The following BABAM2 variants were observed in gnomAD, a reference collection of about 807,000 sequenced individuals.
BABAM2 encodes the protein BRISC and BRCA1 A complex member 2.
BABAM2 carries 31 observed loss-of-function variants against 54.7 expected under a neutral mutation model. That is an observed-to-expected ratio of 0.57 (90% CI 0.43 to 0.77). The LOEUF is 0.77. Among genes scored for constraint, BABAM2 ranks in the 30% least tolerant of loss-of-function variants. BABAM2 has a pLI of 0.00. For synonymous variants in BABAM2, 167 were observed against 162.9 expected, an observed-to-expected ratio of 1.03 and a Z score of -0.19; for missense variants, 364 against 455.8, an observed-to-expected ratio of 0.80 and a Z score of 1.83.
At chr2:28,280,042 C>A (rs1001182172) in intron 10 of BABAM2, among the ~76,000 whole-genome samples, 14 of 151,966 alleles carry the variant, frequency 9.2e-5, no homozygotes, top group Non-Finnish European at 1.9e-4. Flanking sequence ...TGGTCCTAGT[C>A]TCATATCAAA....
At position 28,310,415 on chromosome 2, in the gene BABAM2, C is replaced by A. The variant is rs144907773; in HGVS notation, c.1088+11924C>A. On this transcript the variant is annotated intron_variant, in intron 11 of 11. Transcript: ENST00000379624. ...CCCTCAGGCCATCTCTCCCCAGGCC[C>A]TCCATCTGTATTCCTTTGGTTCCAC... is the stretch of plus-strand genomic sequence containing the variant. 1,037 of 392,446 alleles carry A rather than the reference C, an allele frequency of 2.6e-3. 9 individuals are homozygous for A. Among genetic ancestry groups the A allele is most frequent in the African/African-American group, 0.019 (954 of 50,106 alleles). 24.3% of individuals were successfully genotyped at this position (392,446 alleles called of 1,614,324 possible). A position where few individuals can be genotyped will look rare whatever the true frequency, so the allele number is the denominator to read the frequency against.
At chr2:28,187,772 G>A (rs1191745316) in intron 7 of BABAM2, among the ~76,000 whole-genome samples, 2 of 145,428 alleles carry the variant, frequency 1.4e-5, no homozygotes, top group Non-Finnish European at 1.5e-5. Context: ...GGGTTCAAGC[G>A]ATTATCCTGC....
At chr2:28,146,893 G>A (rs533015272) in intron 7 of BABAM2, among the ~76,000 whole-genome samples, 2 of 152,302 alleles carry the variant, frequency 1.3e-5, no homozygotes, top group African/African-American at 2.4e-5. Context: ...CAGGACCCCC[G>A]AAGGGAGTAC....
intron 6 of BABAM2, among the ~76,000 whole-genome samples, chr2:28,084,876 T>C (rs1168195280): frequency 6.6e-6 from 1 of 152,160 alleles, no homozygotes; most frequent in African/African-American, 2.4e-5. Flanking sequence ...TTGCCAGACC[T>C]GTGTGATTTA....
chr2:28,096,527 A>G (rs764143568), intron 6 of BABAM2, among the ~76,000 whole-genome samples: 13 of 152,084 alleles, frequency 8.5e-5, no homozygotes, highest in Non-Finnish European at 1.6e-4. Context: ...AATAATTACC[A>G]AATCCTTTCA....
chr2:27,912,496 GA>G (rs1666674570), intron 2 of BABAM2, among the ~76,000 whole-genome samples: 1 of 152,062 alleles, frequency 6.6e-6, no homozygotes, highest in South Asian at 2.1e-4. Flanking sequence ...ATTTACTTAA[GA>G]AATTAAAAGA....
At chr2:27,952,513 G>A (rs1171004827) in intron 3 of BABAM2, among the ~76,000 whole-genome samples, 3 of 152,160 alleles carry the variant, frequency 2.0e-5, no homozygotes, top group Non-Finnish European at 4.4e-5. Context: ...GGGTGTTTAG[G>A]AAACTAGGTG....
At chr2:28,129,469 AT>A (rs1409952074) in intron 7 of BABAM2, 89 bp downstream of exon 7, 40 of 1,135,748 alleles carry the variant, frequency 3.5e-5, no homozygotes, top group Middle Eastern at 2.0e-4. Context: ...GAACTCTTAC[AT>A]TTATTTCTCT....
At chr2:28,084,547 A>G (rs949659545) in intron 6 of BABAM2, among the ~76,000 whole-genome samples, 1 of 152,140 alleles carries the variant, frequency 6.6e-6, no homozygotes, top group Non-Finnish European at 1.5e-5. Context: ...GGCCAGGGGC[A>G]TTGGAAGAAA....
At chr2:28,194,570 G>A (rs934184081) in intron 7 of BABAM2, among the ~76,000 whole-genome samples, 2 of 129,622 alleles carry the variant, frequency 1.5e-5, no homozygotes, top group African/African-American at 5.7e-5. Context: ...TGATTACAAC[G>A]TAGACTTTTT....
At chr2:28,105,810 C>A (rs1667474128) in intron 6 of BABAM2, among the ~76,000 whole-genome samples, 1 of 151,988 alleles carries the variant, frequency 6.6e-6, no homozygotes, top group African/African-American at 2.4e-5. Flanking sequence ...TGGTGAGATT[C>A]TTTAATTTGG....
At chr2:28,186,444 A>G (rs538339661) in intron 7 of BABAM2, among the ~76,000 whole-genome samples, 2 of 152,246 alleles carry the variant, frequency 1.3e-5, no homozygotes, top group African/African-American at 4.8e-5. Context: ...TATCACCCAC[A>G]TGGAGAGCAA....
At chr2:28,323,511 G>C (rs1468679940) in intron 11 of BABAM2, among the ~76,000 whole-genome samples, 1 of 152,218 alleles carries the variant, frequency 6.6e-6, no homozygotes, top group Non-Finnish European at 1.5e-5. Flanking sequence ...ATATTAGACT[G>C]AGCAGTGACC....
chr2:28,032,328 G>A (rs1242313981), intron 5 of BABAM2, among the ~76,000 whole-genome samples: 2 of 152,102 alleles, frequency 1.3e-5, no homozygotes, highest in Non-Finnish European at 2.9e-5. Context: ...GCTGGCATGA[G>A]GAAAATGTTA....
intron 6 of BABAM2, among the ~76,000 whole-genome samples, chr2:28,049,080 C>T (rs1434964737): frequency 6.6e-6 from 1 of 152,150 alleles, no homozygotes; most frequent in East Asian, 1.9e-4. Flanking sequence ...GAACAAGAAG[C>T]TTAGAAACTA....
intron 7 of BABAM2, among the ~76,000 whole-genome samples, chr2:28,217,858 T>A (rs1215751193): frequency 6.6e-6 from 1 of 152,208 alleles, no homozygotes; most frequent in East Asian, 1.9e-4. Flanking sequence ...AGTTACAGTG[T>A]TCGAGAAAAC....
intron 7 of BABAM2, among the ~76,000 whole-genome samples, chr2:28,207,177 G>T (rs748378229): frequency 6.6e-6 from 1 of 152,028 alleles, no homozygotes; most frequent in Non-Finnish European, 1.5e-5. Context: ...TGCTCTATTA[G>T]AAGTCACATA....
upstream of BABAM2, chr2:27,890,445 CT>C: frequency 1.7e-6 from 2 of 1,166,186 alleles, no homozygotes; most frequent in Non-Finnish European, 1.2e-6. The surrounding 1 kb of genome is among the most constrained non-coding windows in gnomAD (Gnocchi z 4.8). Flanking sequence ...CGACGCGGGC[CT>C]TTCAGACGCC....
Position 28,298,321 on chromosome 2 carries a change from T to G in BABAM2, c.935-17T>G. On this transcript the variant is annotated splice_polypyrimidine_tract_variant and intron_variant, in intron 10 of 11. Coordinates refer to ENST00000379624, the MANE Select transcript of BABAM2 (RefSeq NM_199191.3). Reference sequence around the variant, plus strand: ...GTTTATGCTCTAACTTTCTTTTTCTTTCTTCTGTCTTTGCAGTTGACCTGC... The same window carrying G: ...GTTTATGCTCTAACTTTCTTTTTCTGTCTTCTGTCTTTGCAGTTGACCTGC... The G allele has an allele frequency of 6.2e-7, 1 of 1,608,704 alleles. No individual in the cohort carries two copies. Among genetic ancestry groups the G allele is most frequent in the Non-Finnish European group, 8.5e-7 (1 of 1,178,226 alleles).
Sources: gnomAD v4.1 joint callset for allele counts (sites outside exome capture counted in the v4.1 genomes callset) on GRCh38, gnomAD v4.1.1 for gene constraint, Gnocchi (gnomAD v3.1) non-coding constraint, MANE v1.5 for transcripts, NCBI Gene and HGNC (gene_info 2026-07-23, HGNC 2026-07-21) for gene names.